Variants in FANCC observed in about 807,000 individuals in gnomAD.
FANCC encodes Fanconi anemia group C protein.
In FANCC, 55 loss-of-function variants were observed where a neutral mutation model predicts 71.3. The ratio of observed to expected loss-of-function variants is 0.77; its 90% CI spans 0.62 to 0.97. The LOEUF (loss-of-function observed/expected upper bound fraction) is 0.97, where lower values mean the gene tolerates loss of function less well. FANCC is among the 50% of genes least tolerant of loss of function. FANCC has a pLI of 0.00. For missense variants in FANCC, 678 were observed against 670.9 expected, an observed-to-expected ratio of 1.01 and a Z score of -0.12; for synonymous variants, 275 against 244.9, an observed-to-expected ratio of 1.12 and a Z score of -1.15.
At chr9:95,226,646 C>G (rs1829638176) in intron 4 of FANCC, among the ~76,000 whole-genome samples, 1 of 152,184 alleles carries the variant, frequency 6.6e-6, no homozygotes, top group South Asian at 2.1e-4. Flanking sequence ...TATCTTCAAC[C>G]ACAAAACCTC....
intron 4 of FANCC, among the ~76,000 whole-genome samples, chr9:95,219,318 G>T (rs1196226069): frequency 2.0e-5 from 3 of 152,122 alleles, no homozygotes; most frequent in Admixed American, 2.0e-4. Context: ...GTATACAGCG[G>T]AATTGGAAAA....
intron 4 of FANCC, among the ~76,000 whole-genome samples, chr9:95,218,378 C>T (rs547416827): frequency 7.9e-5 from 12 of 152,246 alleles, no homozygotes; most frequent in Non-Finnish European, 1.6e-4. Flanking sequence ...GGTGGGAGGA[C>T]TGCTTGAGCC....
intron 13 of FANCC, among the ~76,000 whole-genome samples, chr9:95,108,075 T>A (rs747878672): frequency 6.6e-6 from 1 of 152,236 alleles, no homozygotes; most frequent in Non-Finnish European, 1.5e-5. Context: ...CCATCACTTC[T>A]GAAAGAATAC....
chr9:95,121,634 T>C (rs1045120363), intron 10 of FANCC, among the ~76,000 whole-genome samples: 3 of 152,182 alleles, frequency 2.0e-5, no homozygotes, highest in Non-Finnish European at 1.5e-5. Context: ...GTTTTCACAA[T>C]GGACTATGCA....
rs201281511 is a variant in FANCC, at chr9:95,126,574, G to A, written c.851C>T (p.Ala284Val). The stretch of plus-strand genomic sequence containing the variant: ...CCGGAATATGGCAGGGTGGCAGGCT[G>A]CTTGAGGCTGTAAAAGGAGAAGACC... ...CFIKDSSLPQ[A>V]ACHPAIFRVV... Residue 284 changes from alanine (A) to valine (V), a missense_variant, in exon 9 of 15, where the codon GCA becomes GTA. Transcript: ENST00000289081. 3.7e-6 allele frequency: 6 copies of A among 1,614,022 alleles called. No homozygotes were observed. In the Admixed American group the frequency reaches 1.0e-4, roughly 27 times the overall value.
intron 14 of FANCC, among the ~76,000 whole-genome samples, chr9:95,105,622 C>G (rs980983260): frequency 6.6e-6 from 1 of 152,128 alleles, no homozygotes; most frequent in African/African-American, 2.4e-5. Context: ...CCGTCTCCTG[C>G]CCCTTTCCAT....
intron 1 of FANCC, among the ~76,000 whole-genome samples, chr9:95,311,747 A>ATGTG (rs1835419818): frequency 8.9e-6 from 1 of 111,992 alleles, no homozygotes; most frequent in Admixed American, 8.4e-5. Flanking sequence ...GTGTGTGTGA[A>ATGTG]AAACCGCAGC....
At chr9:95,149,134 C>A (rs993706310) in intron 7 of FANCC, among the ~76,000 whole-genome samples, 2 of 151,414 alleles carry the variant, frequency 1.3e-5, no homozygotes, top group Admixed American at 6.6e-5. Flanking sequence ...TTTGTGTTAA[C>A]GTGTAATAAA....
Position 95,111,548 on chromosome 9 carries a change from G to T in FANCC, c.1244C>A (p.Ala415Glu), listed in dbSNP as rs550462055. Residue 415 changes from alanine to glutamate, a missense_variant, in exon 13 of 15, where the codon GCA becomes GAA. Transcript: ENST00000289081. ...EMVAEQLLMSAAEPPTALLWL... is the reference protein window; with the variant it reads ...EMVAEQLLMSEAEPPTALLWL... ...CAGCAGGGCCGTGGGGGGTTCGGCT[G>T]CCGACATCAGTAATTGCTCTGCCAC... 1.2e-6 allele frequency: 2 copies of T among 1,614,178 alleles called. No homozygotes were observed.
chr9:95,165,174 AGTCT>A (rs1830993979), intron 6 of FANCC, among the ~76,000 whole-genome samples: 1 of 150,096 alleles, frequency 6.7e-6, no homozygotes, highest in African/African-American at 2.4e-5. Flanking sequence ...TTTTTTTCTT[AGTCT>A]AAGGAATTGT....
chr9:95,249,663 T>C (rs1351294436), intron 1 of FANCC, among the ~76,000 whole-genome samples: 1 of 152,232 alleles, frequency 6.6e-6, no homozygotes, highest in Non-Finnish European at 1.5e-5. Context: ...CTTTTTAAGA[T>C]TGAGCTATTT....
In FANCC at chr9:95,240,606, C is replaced by T. The variant is rs181093075; in HGVS notation, c.345+43G>A. On this transcript the variant is annotated intron_variant, in intron 4 of 14. Coordinates refer to ENST00000289081, the MANE Select transcript of FANCC (RefSeq NM_000136.3). ...TTTTTAAGCAGCACTTTTAAATAATCAATTTAATTCAAAGAAGTGCAGAGC... is the reference window on the plus strand; with the variant it reads ...TTTTTAAGCAGCACTTTTAAATAATTAATTTAATTCAAAGAAGTGCAGAGC... 2.5e-4 allele frequency: 357 copies of T among 1,438,116 alleles called. 2 individuals are homozygous for T. The African/African-American group carries it at 4.6e-3, about 19-fold the overall frequency. The allele number at this position is 1,438,116 out of a possible 1,614,324, so 89.1% of individuals were successfully genotyped here.
At chr9:95,157,744 G>A (rs1190792073) in intron 6 of FANCC, among the ~76,000 whole-genome samples, 1 of 152,198 alleles carries the variant, frequency 6.6e-6, no homozygotes, top group Non-Finnish European at 1.5e-5. Flanking sequence ...CATGAAGGCT[G>A]CGTGCACCTT....
At chr9:95,252,237 ATTGCACTG>A (rs1316985061) in intron 1 of FANCC, among the ~76,000 whole-genome samples, 4 of 129,138 alleles carry the variant, frequency 3.1e-5, no homozygotes, top group African/African-American at 1.2e-4. Flanking sequence ...AGACCGCACC[ATTGCACTG>A]CAGCCTGGGA....
intron 3 of FANCC, among the ~76,000 whole-genome samples, chr9:95,241,588 GGTGAGGCTA>G (rs1371901948): frequency 6.6e-6 from 1 of 152,180 alleles, no homozygotes; most frequent in Admixed American, 6.5e-5. Flanking sequence ...AGGCCATGGA[GGTGAGGCTA>G]AGACAGCCGG....
At position 95,101,467 on chromosome 9, in the gene FANCC, G is replaced by C. The variant is rs2071069719; in HGVS notation, c.*240C>G. On this transcript the variant is annotated 3_prime_UTR_variant, in exon 15 of 15. Transcript: ENST00000289081. ...GACGGTCTGGCCGGGCGGGCACCAG[G>C]AGTACCGAAGGCTCACTTGAGTCAT... 3 of 571,540 alleles carry C rather than the reference G, an allele frequency of 5.2e-6. No homozygotes were observed. The highest frequency in any genetic ancestry group is 9.4e-6 in the Non-Finnish European group (3 of 319,274). 35.4% of individuals were successfully genotyped at this position (571,540 alleles called of 1,614,324 possible). A position where few individuals can be genotyped will look rare whatever the true frequency, so the allele number is the denominator to read the frequency against.
chr9:95,302,898 T>C (rs1270650592), intron 1 of FANCC, among the ~76,000 whole-genome samples: 1 of 152,240 alleles, frequency 6.6e-6, no homozygotes, highest in Non-Finnish European at 1.5e-5. Flanking sequence ...CATATGACAC[T>C]TTGGCAGAGT....
At chr9:95,245,206 T>C (rs557653920) in intron 3 of FANCC, among the ~76,000 whole-genome samples, 103 of 152,300 alleles carry the variant, frequency 6.8e-4, no homozygotes, top group Non-Finnish European at 2.4e-4. Flanking sequence ...CTTTTCCTTT[T>C]TCCTGCCATC....
At chr9:95,122,360 G>T (rs1047907523) in intron 10 of FANCC, among the ~76,000 whole-genome samples, 13 of 152,188 alleles carry the variant, frequency 8.5e-5, no homozygotes, top group African/African-American at 3.1e-4. Context: ...AAAATGGACA[G>T]TCAAGAAGGC....
Sources: allele counts gnomAD v4.1 joint callset (sites outside exome capture counted in the v4.1 genomes callset), GRCh38; gene constraint gnomAD v4.1.1; transcripts MANE v1.5; gene names NCBI Gene and HGNC (gene_info 2026-07-23, HGNC 2026-07-21).